The following SYN2 variants were observed in gnomAD, a reference collection of about 807,000 sequenced individuals.
The protein encoded by SYN2 is synapsin-2.
In SYN2, 19 loss-of-function variants were observed where a neutral mutation model predicts 50.9. The observed-to-expected ratio is 0.37, with a 90% CI of 0.26 to 0.55. The LOEUF is 0.55. Ranked by LOEUF, SYN2 falls within the 20% of genes least tolerant of loss-of-function variation. SYN2 has a pLI of 0.81. For missense variants in SYN2, 587 were observed against 576.4 expected (o/e 1.02, Z -0.19); for synonymous variants, 255 against 224.9 (o/e 1.13, Z -1.20).
rs779208045 is a variant in SYN2 at position 12,151,302 on chromosome 3, A to T, written c.750A>T (p.Thr250=). 2 of 1,613,438 alleles carry T rather than the reference A, an allele frequency of 1.2e-6. No homozygotes were observed. The part of the protein sequence containing the change: ...GGEKFPLIEQ[T]YYPNHKEMLT... The stretch of plus-strand genomic sequence containing the variant: ...AAAAGTTCCCTCTCATTGAACAGAC[A>T]TACTACCCCAACCACAAAGAGATGG... Residue 250 remains threonine (T), a synonymous_variant, in exon 5 of 13, where the codon ACA becomes ACT. Transcript: ENST00000621198.
chr3:12,073,393 T>C (rs1038192935), intron 1 of SYN2, among the ~76,000 whole-genome samples: 1 of 152,188 alleles, frequency 6.6e-6, no homozygotes, highest in Non-Finnish European at 1.5e-5. Flanking sequence ...CAGAGACTTT[T>C]GGAGGTTCCA....
chr3:12,164,984 CTTTTTTTTTTT>C (rs68043865), intron 7 of SYN2, among the ~76,000 whole-genome samples: 1 of 92,344 alleles, frequency 1.1e-5, no homozygotes, highest in Non-Finnish European at 2.2e-5. Context: ...TTTTTCTTTT[CTTTTTTTTTTT>C]TTTTTTTTTT....
intron 4 of SYN2, 23 bp downstream of exon 4, chr3:12,145,858 A>G (rs1183459144): frequency 5.0e-6 from 8 of 1,612,740 alleles, no homozygotes; most frequent in African/African-American, 4.0e-5. Flanking sequence ...CCCTTCCCCC[A>G]AGTAAAAGGG....
At chr3:12,125,332 C>T (rs1559429761) in intron 1 of SYN2, among the ~76,000 whole-genome samples, 1 of 152,184 alleles carries the variant, frequency 6.6e-6, no homozygotes, top group Admixed American at 6.5e-5. Flanking sequence ...ATTTTTTCCA[C>T]AGTAAGGCAT....
chr3:12,073,292 T>A (rs1237650257), intron 1 of SYN2, among the ~76,000 whole-genome samples: 1 of 152,208 alleles, frequency 6.6e-6, no homozygotes, highest in African/African-American at 2.4e-5. Flanking sequence ...GCCAAGGTGA[T>A]GAGTCACCCA....
intron 1 of SYN2, among the ~76,000 whole-genome samples, chr3:12,057,347 C>T (rs1680247): frequency 0.024 from 3,424 of 143,028 alleles, 54 homozygotes; most frequent in Middle Eastern, 0.1. Flanking sequence ...ATCTTTAAAT[C>T]CCTTATTTTT....
At chr3:12,105,652 G>C (rs1696169820) in intron 1 of SYN2, among the ~76,000 whole-genome samples, 1 of 151,874 alleles carries the variant, frequency 6.6e-6, no homozygotes, top group African/African-American at 2.4e-5. Flanking sequence ...CTTAGCTGCA[G>C]AATTCATATG....
At chr3:12,027,307 A>G (rs368946768) in intron 1 of SYN2, among the ~76,000 whole-genome samples, 22 of 152,182 alleles carry the variant, frequency 1.4e-4, no homozygotes, top group East Asian at 7.7e-4. Flanking sequence ...CTTGTCAAAC[A>G]CCCATCTCCC....
In SYN2 at chr3:12,139,756, C is replaced by G. The variant is rs184844092; in HGVS notation, c.378-895C>G. 2.4e-4 allele frequency among the ~76,000 whole-genome samples: 37 copies of G among 152,258 alleles called. No homozygotes were observed. The East Asian group carries it at 5.8e-3, about 24-fold the overall frequency. On this transcript the variant is annotated intron_variant, in intron 1 of 12. Coordinates refer to ENST00000621198, the MANE Select transcript of SYN2 (RefSeq NM_133625.6). ...ATTTCAAGCACTGGAAAAGCAAGCT[C>G]AACTTACCTAACAGGTAGAGTATGG...
At chr3:12,071,361 T>C (rs918358262) in intron 1 of SYN2, 2 of 566,424 alleles carry the variant, frequency 3.5e-6, no homozygotes, top group Non-Finnish European at 7.1e-6. Context: ...CAAATGCTTC[T>C]AAATGGACCG....
At chr3:12,105,558 A>C (rs907741728) in intron 1 of SYN2, among the ~76,000 whole-genome samples, 1 of 150,216 alleles carries the variant, frequency 6.7e-6, no homozygotes, top group Non-Finnish European at 1.5e-5. Flanking sequence ...ACCTGACATC[A>C]GAAGACAACC....
At chr3:12,089,989 T>A (rs188103448) in intron 1 of SYN2, among the ~76,000 whole-genome samples, 1 of 152,306 alleles carries the variant, frequency 6.6e-6, no homozygotes, top group East Asian at 1.9e-4. Flanking sequence ...GAGAATTCAA[T>A]GAGCACTAGG....
At chr3:12,061,418 A>T (rs1391697426) in intron 1 of SYN2, among the ~76,000 whole-genome samples, 1 of 152,116 alleles carries the variant, frequency 6.6e-6, no homozygotes, top group Non-Finnish European at 1.5e-5. Flanking sequence ...CTTATTAAAG[A>T]ACATCTTACA....
intron 1 of SYN2, among the ~76,000 whole-genome samples, chr3:12,137,723 T>C (rs1696925766): frequency 6.6e-6 from 1 of 152,340 alleles, no homozygotes; most frequent in South Asian, 2.1e-4. Context: ...AAAAAATTTA[T>C]GTAGCATGCC....
chr3:12,163,845 G>A (rs1278770684), intron 7 of SYN2, among the ~76,000 whole-genome samples: 2 of 152,150 alleles, frequency 1.3e-5, no homozygotes, highest in Non-Finnish European at 2.9e-5. Context: ...GGGAGGCCGA[G>A]GCAGGCAGAT....
At chr3:12,109,088 T>A (rs1195681000) in intron 1 of SYN2, among the ~76,000 whole-genome samples, 1 of 152,154 alleles carries the variant, frequency 6.6e-6, no homozygotes, top group African/African-American at 2.4e-5. Flanking sequence ...TCATGAATCA[T>A]TTTAAGGGAG....
intron 1 of SYN2, among the ~76,000 whole-genome samples, chr3:12,133,187 A>G (rs1220009617): frequency 2.0e-5 from 3 of 152,240 alleles, no homozygotes; most frequent in Admixed American, 2.0e-4. Context: ...TTACTTGCAG[A>G]GCATTTGATA....
At chr3:12,126,162 G>A (rs1007713657) in intron 1 of SYN2, among the ~76,000 whole-genome samples, 14 of 152,142 alleles carry the variant, frequency 9.2e-5, no homozygotes, top group African/African-American at 3.1e-4. Flanking sequence ...TAGAAATCTC[G>A]CTTCTAGAGA....
chr3:12,044,160 T>TAC (rs1694680556), intron 1 of SYN2, among the ~76,000 whole-genome samples: 1 of 135,564 alleles, frequency 7.4e-6, no homozygotes, highest in African/African-American at 3.1e-5. Flanking sequence ...GAAGGCAAAG[T>TAC]TCTCTCTCTC....
Sources: allele counts gnomAD v4.1 joint callset (sites outside exome capture counted in the v4.1 genomes callset), GRCh38; gene constraint gnomAD v4.1.1; transcripts MANE v1.5; gene names NCBI Gene and HGNC (gene_info 2026-07-23, HGNC 2026-07-21).